The following ABCC4 variants were observed in gnomAD, a reference collection of about 807,000 sequenced individuals.
The protein encoded by ABCC4 is ATP-binding cassette sub-family C member 4.
ABCC4 carries 102 observed loss-of-function variants against 168.5 expected under a neutral mutation model. The observed-to-expected ratio is 0.61, with a 90% CI of 0.52 to 0.71. The LOEUF is 0.71. ABCC4 is among the 30% of genes least tolerant of loss of function. ABCC4 has a pLI of 0.00. For missense variants in ABCC4, 1,402 were observed against 1,605.8 expected (o/e 0.87, Z 2.17); for synonymous variants, 617 against 590.7 (o/e 1.04, Z -0.65).
chr13:95,145,609 C>A, intron 19 of ABCC4, among the ~76,000 whole-genome samples: 1 of 147,676 alleles, frequency 6.8e-6, no homozygotes. Context: ...AGAGGAGACC[C>A]CATCTCCAAA....
intron 20 of ABCC4, among the ~76,000 whole-genome samples, chr13:95,095,335 T>TATCTATCC (rs2034559505): frequency 6.6e-6 from 1 of 150,880 alleles, no homozygotes. Flanking sequence ...TCTATCTATC[T>TATCTATCC]ATCTGATGGA....
intron 19 of ABCC4, among the ~76,000 whole-genome samples, chr13:95,129,369 T>C (rs554056761): frequency 6.6e-6 from 1 of 152,344 alleles, no homozygotes; most frequent in East Asian, 1.9e-4. Context: ...CATAATGATA[T>C]TTCTGATGTG....
intron 1 of ABCC4, among the ~76,000 whole-genome samples, chr13:95,298,212 C>T (rs552784317): frequency 2.0e-5 from 3 of 152,134 alleles, no homozygotes; most frequent in African/African-American, 7.2e-5. Flanking sequence ...TCACTTGAAC[C>T]CAGGAGGCAG....
intron 25 of ABCC4, among the ~76,000 whole-genome samples, chr13:95,067,499 G>A (rs1485223486): frequency 2.6e-5 from 4 of 152,050 alleles, no homozygotes; most frequent in Non-Finnish European, 5.9e-5. Flanking sequence ...GAGAGCAACG[G>A]CTTTAATGCA....
chr13:95,214,028 C>G (rs1208493980), intron 4 of ABCC4, among the ~76,000 whole-genome samples: 1 of 151,920 alleles, frequency 6.6e-6, no homozygotes, highest in Non-Finnish European at 1.5e-5. Context: ...TATAATATGT[C>G]AAGGAGTTAA....
chr13:95,280,289 T>C (rs1190260974), intron 1 of ABCC4, among the ~76,000 whole-genome samples: 1 of 151,556 alleles, frequency 6.6e-6, no homozygotes. Flanking sequence ...TGGTGGCAGG[T>C]GCCTGTAATC....
chr13:95,126,720 A>AT, intron 19 of ABCC4, among the ~76,000 whole-genome samples: 1 of 81,670 alleles, frequency 1.2e-5, no homozygotes, highest in South Asian at 4.2e-4. Flanking sequence ...CTTTTTTTGG[A>AT]ATATATATAT....
chr13:95,273,817 T>G (rs12877176), intron 1 of ABCC4, among the ~76,000 whole-genome samples: 44,009 of 118,852 alleles, frequency 0.37, 8,566 homozygotes, highest in Non-Finnish European at 0.48. Flanking sequence ...TTTTGGTTTG[T>G]TTTTTTTTTT....
chr13:95,301,127 G>T (rs1236860304), intron 1 of ABCC4, 114 bp downstream of exon 1: 6 of 996,524 alleles, frequency 6.0e-6, no homozygotes, highest in African/African-American at 5.1e-5. Context: ...GTAGGAAAGC[G>T]CTCCCCTCGC....
chr13:95,163,779 C>T, intron 16 of ABCC4, 132 bp from the exon 17 acceptor site: 8 of 722,448 alleles, frequency 1.1e-5, no homozygotes, highest in South Asian at 1.7e-5. Flanking sequence ...TGCTTGTAAA[C>T]CCCAGCACTT....
intron 21 of ABCC4, among the ~76,000 whole-genome samples, chr13:95,082,113 G>C (rs1312337556): frequency 6.6e-6 from 1 of 152,184 alleles, no homozygotes; most frequent in Non-Finnish European, 1.5e-5. Flanking sequence ...AGAAGATACT[G>C]AAAATGATGG....
chr13:95,032,896 T>C (rs2031944593), intron 30 of ABCC4, among the ~76,000 whole-genome samples: 1 of 151,682 alleles, frequency 6.6e-6, no homozygotes, highest in Admixed American at 6.6e-5. Context: ...TCTCTTGACC[T>C]TGTGATCCAC....
At chr13:95,130,625 C>T (rs144617751) in intron 19 of ABCC4, among the ~76,000 whole-genome samples, 17 of 152,190 alleles carry the variant, frequency 1.1e-4, no homozygotes, top group South Asian at 4.2e-4. Flanking sequence ...CTGACAGGAA[C>T]GAAACATTTC....
intron 4 of ABCC4, among the ~76,000 whole-genome samples, chr13:95,226,956 T>C (rs1399369998): frequency 6.6e-6 from 1 of 152,212 alleles, no homozygotes; most frequent in Non-Finnish European, 1.5e-5. Flanking sequence ...CCTATTAGTA[T>C]CACATAGGAG....
intron 27 of ABCC4, among the ~76,000 whole-genome samples, chr13:95,046,290 C>A (rs1017175434): frequency 2.0e-5 from 3 of 152,202 alleles, no homozygotes; most frequent in African/African-American, 7.2e-5. Flanking sequence ...TAATCTCACA[C>A]TTGCCCTTGA....
At chr13:95,180,178 C>T (rs2037842876) in intron 11 of ABCC4, among the ~76,000 whole-genome samples, 2 of 152,150 alleles carry the variant, frequency 1.3e-5, no homozygotes, top group Non-Finnish European at 2.9e-5. Flanking sequence ...GTAGCAAGTG[C>T]CCCATTATGA....
chr13:95,148,292 TTAAG>T (rs1474488868), intron 19 of ABCC4, among the ~76,000 whole-genome samples: 4 of 152,104 alleles, frequency 2.6e-5, no homozygotes, highest in Admixed American at 2.6e-4. Flanking sequence ...CAGAAAGAGT[TTAAG>T]TAATTCAGCA....
At chr13:95,058,369 G>A (rs2033142012) in intron 26 of ABCC4, among the ~76,000 whole-genome samples, 1 of 151,680 alleles carries the variant, frequency 6.6e-6, no homozygotes, top group Non-Finnish European at 1.5e-5. Flanking sequence ...AGGAGATCGA[G>A]ACCATCCTGG....
At chr13:95,030,167 T>C (rs2031805012) in intron 30 of ABCC4, among the ~76,000 whole-genome samples, 1 of 152,130 alleles carries the variant, frequency 6.6e-6, no homozygotes, top group Non-Finnish European at 1.5e-5. Context: ...ATTACAAGCA[T>C]GCGCCACCAT....
Sources: gnomAD v4.1 joint callset for allele counts (sites outside exome capture counted in the v4.1 genomes callset) on GRCh38, gnomAD v4.1.1 for gene constraint, MANE v1.5 for transcripts, NCBI Gene and HGNC (gene_info 2026-07-23, HGNC 2026-07-21) for gene names.